Variants in MPP7 observed in about 807,000 individuals in gnomAD.
MPP7 encodes the protein MAGUK p55 scaffold protein 7.
In MPP7, 60 loss-of-function variants were observed where a neutral mutation model predicts 76.5. That is an observed-to-expected ratio of 0.78 (90% CI 0.64 to 0.97). The LOEUF (loss-of-function observed/expected upper bound fraction) is 0.97, where lower values mean the gene tolerates loss of function less well. Among genes scored for constraint, MPP7 ranks in the 50% least tolerant of loss-of-function variants. The pLI, the probability that MPP7 is intolerant of heterozygous loss-of-function variation, is 0.00. For synonymous variants in MPP7, 237 were observed against 244.5 expected (o/e 0.97, Z 0.29); for missense variants, 641 against 694.0 (o/e 0.92, Z 0.86).
intron 6 of MPP7, among the ~76,000 whole-genome samples, chr10:28,126,920 GC>G (rs1205309360): frequency 6.6e-6 from 1 of 152,114 alleles, no homozygotes; most frequent in East Asian, 1.9e-4. Flanking sequence ...CACTTGGCCA[GC>G]CCCCAACCTT....
chr10:28,098,839 A>G (rs74452198), intron 11 of MPP7, among the ~76,000 whole-genome samples: 1,830 of 152,082 alleles, frequency 0.012, 53 homozygotes, highest in East Asian at 0.11. Flanking sequence ...TATAAAAAAT[A>G]AGAATATAAT....
rs1164069534 is a variant in MPP7, at chr10:28,202,238, TG to T, written c.70del (p.Gln24SerfsTer12). On this transcript the variant is annotated frameshift_variant, in exon 3 of 17. Transcript: ENST00000683449. LOFTEE classifies it high-confidence loss of function. The stretch of plus-strand genomic sequence containing the variant: ...CTGGCTATCCACATGTGGCTGCAGC[TG>T]GGCTGGCAGAGCAGCCAACAGCTCA... ...LYELLAALPA[Q>X]LQPHVDSQED... 6.2e-7 allele frequency: 1 copy of T among 1,613,492 alleles called. No individual in the cohort carries two copies. The highest frequency in any genetic ancestry group is 8.5e-7 in the Non-Finnish European group (1 of 1,179,488).
chr10:28,226,956 G>A lies in MPP7; in HGVS notation c.37+11612C>T, dbSNP rs1243174683. Among the ~76,000 whole-genome samples the A allele has an allele frequency of 4.6e-5, 7 of 152,152 alleles. No individual in the cohort carries two copies. The East Asian group carries it at 1.2e-3, about 25-fold the overall frequency. On this transcript the variant is annotated intron_variant, in intron 2 of 16. Transcript: ENST00000683449. Reference sequence around the variant, plus strand: ...CACTATTATGTATGCTTGCTAGCAGGTATTTTACCTTACCATTAAAGGAAG... The same window carrying A: ...CACTATTATGTATGCTTGCTAGCAGATATTTTACCTTACCATTAAAGGAAG...
chr10:28,254,439 A>G (rs1350948650), intron 1 of MPP7, among the ~76,000 whole-genome samples: 1 of 152,214 alleles, frequency 6.6e-6, no homozygotes, highest in Non-Finnish European at 1.5e-5. Context: ...CTGAAGTACT[A>G]ATTTGCCAAA....
rs549455958 is a variant in MPP7 at position 28,107,438 on chromosome 10, T to A, written c.952+12213A>T. On this transcript the variant is annotated intron_variant, in intron 11 of 16. Coordinates refer to ENST00000683449, the MANE Select transcript of MPP7 (RefSeq NM_001318170.2). ...TAAAGTTAGGGAGCAGGTACCATTC[T>A]TTCTATTTTTGAGAGAAGCAGAAGC... 2.7e-4 allele frequency among the ~76,000 whole-genome samples: 41 copies of A among 152,248 alleles called. 1 individual carries two copies. The South Asian group carries it at 4.8e-3, about 18-fold the overall frequency.
intron 1 of MPP7, among the ~76,000 whole-genome samples, chr10:28,264,688 A>G (rs1197210989): frequency 6.6e-6 from 1 of 152,112 alleles, no homozygotes; most frequent in Non-Finnish European, 1.5e-5. Flanking sequence ...TTGAGCAAAC[A>G]TATGGAAGTG....
rs117019566 is a variant in MPP7 at position 28,227,485 on chromosome 10, G to C, written c.37+11083C>G. Among the ~76,000 whole-genome samples the C allele has an allele frequency of 7.3e-4, 111 of 151,586 alleles. 1 individual carries two copies. The East Asian group carries it at 0.02, about 27-fold the overall frequency. On this transcript the variant is annotated intron_variant, in intron 2 of 16. Transcript: ENST00000683449. ...CTTCCCCCACCCCCAACCCCCGACA[G>C]GCTCCAGTGTGTGATGTTCCCCTCC... is the stretch of plus-strand genomic sequence containing the variant.
intron 11 of MPP7, among the ~76,000 whole-genome samples, chr10:28,095,124 C>G (rs1175247763): frequency 6.7e-6 from 1 of 150,084 alleles, no homozygotes; most frequent in African/African-American, 2.4e-5. Context: ...TACTTACTCC[C>G]CTGATTCACA....
At chr10:28,060,414 T>C (rs755534713) in intron 13 of MPP7, among the ~76,000 whole-genome samples, 4 of 152,200 alleles carry the variant, frequency 2.6e-5, no homozygotes, top group Admixed American at 6.5e-5. Flanking sequence ...AGTGCTGACA[T>C]GGCAAATGTA....
At chr10:28,240,484 T>C (rs1383140959) in intron 1 of MPP7, among the ~76,000 whole-genome samples, 1 of 152,192 alleles carries the variant, frequency 6.6e-6, no homozygotes, top group African/African-American at 2.4e-5. Flanking sequence ...GAATTTTCCT[T>C]TATGTTATTG....
At chr10:28,199,540 TTATAAG>T (rs776047629) in intron 3 of MPP7, among the ~76,000 whole-genome samples, 13 of 152,230 alleles carry the variant, frequency 8.5e-5, no homozygotes, top group East Asian at 5.8e-4. Flanking sequence ...AACTTCCTCT[TTATAAG>T]TATATTTTTT....
chr10:28,116,949 TA>T (rs1325675051), intron 11 of MPP7, among the ~76,000 whole-genome samples: 1 of 152,088 alleles, frequency 6.6e-6, no homozygotes, highest in Non-Finnish European at 1.5e-5. Flanking sequence ...TGATTTTACT[TA>T]CCTTGGAGCC....
At chr10:28,201,671 AC>A (rs1326170982) in intron 3 of MPP7, among the ~76,000 whole-genome samples, 1 of 152,186 alleles carries the variant, frequency 6.6e-6, no homozygotes, top group Non-Finnish European at 1.5e-5. Context: ...GTATTTATAT[AC>A]AAAATACCAC....
At chr10:28,082,885 C>T (rs1852829290) in intron 12 of MPP7, among the ~76,000 whole-genome samples, 1 of 152,186 alleles carries the variant, frequency 6.6e-6, no homozygotes, top group African/African-American at 2.4e-5. Flanking sequence ...GCATGCACCA[C>T]TATGCTGGGC....
In MPP7 at chr10:28,135,083, C is replaced by T. The variant is rs185907982; in HGVS notation, c.316-3392G>A. Among the ~76,000 whole-genome samples, 536 of 152,284 alleles carry T rather than the reference C, an allele frequency of 3.5e-3. 4 individuals are homozygous for T. Among genetic ancestry groups the T allele is most frequent in the African/African-American group, 0.012 (518 of 41,570 alleles). On this transcript the variant is annotated intron_variant, in intron 5 of 16. Coordinates refer to ENST00000683449, the MANE Select transcript of MPP7 (RefSeq NM_001318170.2). ...GTATCAAGCAACAAAGGACAGAGAT[C>T]ACTGAGAGACAGGAAACAATGTGAG...
chr10:28,184,827 TA>T (rs928223991), intron 3 of MPP7, among the ~76,000 whole-genome samples: 1 of 104,756 alleles, frequency 9.5e-6, no homozygotes, highest in Non-Finnish European at 2.5e-5. Context: ...TATATTAAGG[TA>T]AACATATCTA....
chr10:28,261,070 CA>C (rs1564740060), intron 1 of MPP7, among the ~76,000 whole-genome samples: 1 of 152,206 alleles, frequency 6.6e-6, no homozygotes, highest in African/African-American at 2.4e-5. Flanking sequence ...CCAATTCAAT[CA>C]ATTATCTTTA....
intron 2 of MPP7, among the ~76,000 whole-genome samples, chr10:28,223,382 A>G (rs775832084): frequency 2.0e-5 from 3 of 152,206 alleles, no homozygotes; most frequent in East Asian, 1.9e-4. Flanking sequence ...CGGGGTCCCA[A>G]TAATCTTTCA....
chr10:28,264,864 T>C (rs1840093569), intron 1 of MPP7, among the ~76,000 whole-genome samples: 1 of 152,142 alleles, frequency 6.6e-6, no homozygotes, highest in African/African-American at 2.4e-5. Flanking sequence ...AATTCACCAG[T>C]ACCATCTTAG....
Sources: gnomAD v4.1 joint callset for allele counts (sites outside exome capture counted in the v4.1 genomes callset) on GRCh38, gnomAD v4.1.1 for gene constraint, MANE v1.5 for transcripts, NCBI Gene and HGNC (gene_info 2026-07-23, HGNC 2026-07-21) for gene names.